ACTN3: variants seen among roughly 807,000 people sequenced by gnomAD.
ACTN3 encodes alpha-actinin-3.
A neutral mutation model predicts 119.6 loss-of-function variants in ACTN3; 91 were observed. The observed-to-expected ratio is 0.76, with a 90% CI of 0.64 to 0.91. ACTN3 has a LOEUF of 0.91. Ranked by LOEUF, ACTN3 falls within the 40% of genes least tolerant of loss-of-function variation. The pLI is 0.00. For synonymous variants in ACTN3, 456 were observed against 478.8 expected (o/e 0.95, Z 0.62); for missense variants, 1,221 against 1,215.1 (o/e 1.00, Z -0.07).
rs558253239 is a variant in ACTN3, at chr11:66,552,729, C to T, written c.382+1082C>T. On this transcript the variant is annotated intron_variant, in intron 3 of 20. Coordinates refer to ENST00000513398, the MANE Select transcript of ACTN3 (RefSeq NM_001104.4). The stretch of plus-strand genomic sequence containing the variant: ...AAAATTTGCTGGGCATGGTGGCGCA[C>T]GCCTGTAATCCCAGCTACTCGTGAG... 3.3e-5 allele frequency among the ~76,000 whole-genome samples: 5 copies of T among 151,894 alleles called. No individual in the cohort carries two copies. The East Asian group carries it at 9.8e-4, about 30-fold the overall frequency.
intron 1 of ACTN3, among the ~76,000 whole-genome samples, chr11:66,548,437 C>T (rs912179822): frequency 6.6e-6 from 1 of 152,156 alleles, no homozygotes; most frequent in Non-Finnish European, 1.5e-5. Context: ...TGTAACTTGC[C>T]TTTGTCACCT....
chr11:66,552,399 A>G (rs1420810585), intron 3 of ACTN3, among the ~76,000 whole-genome samples: 3 of 151,760 alleles, frequency 2.0e-5, no homozygotes, highest in Non-Finnish European at 4.4e-5. Flanking sequence ...AAGCCAATAT[A>G]CCCAAAGTGC....
chr11:66,546,442 G>T (rs979311089), upstream of ACTN3: 8 of 1,221,630 alleles, frequency 6.5e-6, 1 homozygote, highest in Non-Finnish European at 9.0e-6. Flanking sequence ...CGTTCCCCAT[G>T]CCCGGGTGTC....
chr11:66,554,478 G>T, intron 4 of ACTN3, 58 bp from the exon 5 acceptor site: 28 of 1,177,786 alleles, frequency 2.4e-5, no homozygotes, highest in Non-Finnish European at 2.9e-5. Context: ...AAAAAGAAGT[G>T]TGAGAGGGCT....
rs1301928838 is a variant in ACTN3 at position 66,560,271 on chromosome 11, T to C, written c.1637T>C (p.Leu546Pro). 5.0e-6 allele frequency: 8 copies of C among 1,613,222 alleles called. No individual in the cohort carries two copies. Among genetic ancestry groups the C allele is most frequent in the Non-Finnish European group, 6.8e-6 (8 of 1,179,690 alleles). Residue 546 changes from leucine (L) to proline (P), a missense_variant, in exon 14 of 21, where the codon CTG becomes CCG. By Grantham distance (98) the Leu-to-Pro change is moderately conservative. Transcript: ENST00000513398. ...TGGCTGGATGGTGCCGTGGAGGACC[T>C]GCAGGACGTGTGGCTGGTACACTCT... ...NNWLDGAVEDLQDVWLVHSVE... is the reference protein window; with the variant it reads ...NNWLDGAVEDPQDVWLVHSVE...
At chr11:66,551,826 G>A (rs533695222) in intron 3 of ACTN3, 179 bp downstream of exon 3, 84 of 520,726 alleles carry the variant, frequency 1.6e-4, no homozygotes, top group Admixed American at 1.9e-4. Flanking sequence ...CTGTAATCTC[G>A]GCACTTTGGG....
At chr11:66,561,952 G>A in intron 17 of ACTN3, 70 bp from the exon 18 acceptor site, 1 of 1,535,884 alleles carries the variant, frequency 6.5e-7, no homozygotes, top group Non-Finnish European at 8.8e-7. Flanking sequence ...TCAGTGAACT[G>A]GATGTGGAGC....
upstream of ACTN3, chr11:66,546,710 C>A: frequency 6.5e-7 from 1 of 1,535,216 alleles, no homozygotes; most frequent in African/African-American, 1.4e-5. Flanking sequence ...GAATGCAAAC[C>A]CAGGATCTCC....
chr11:66,552,194 A>C (rs1321631651), intron 3 of ACTN3, among the ~76,000 whole-genome samples: 1 of 151,958 alleles, frequency 6.6e-6, no homozygotes, highest in Non-Finnish European at 1.5e-5. Flanking sequence ...CCTGGCCAAC[A>C]TGGTAAAACC....
rs1383209011 is a variant in ACTN3 at position 66,551,025 on chromosome 11, G to A, written c.148-214G>A. ...CAAGTCTGAACTGGGACCTGCATGG[G>A]TCACAGACCCCATTTCTCCCCTCTC... is the stretch of plus-strand genomic sequence containing the variant. On this transcript the variant is annotated intron_variant, in intron 1 of 20. Coordinates refer to ENST00000513398, the MANE Select transcript of ACTN3 (RefSeq NM_001104.4). 8 of 665,332 alleles carry A rather than the reference G, an allele frequency of 1.2e-5. No individual in the cohort carries two copies. The East Asian group carries it at 2.1e-4, about 17-fold the overall frequency. The allele number at this position is 665,332 out of a possible 1,614,324, so 41.2% of individuals were successfully genotyped here. A position where few individuals can be genotyped will look rare whatever the true frequency, so the allele number is the denominator to read the frequency against.
intron 1 of ACTN3, 110 bp downstream of exon 1, chr11:66,547,194 C>G: frequency 2.4e-6 from 3 of 1,275,292 alleles, no homozygotes; most frequent in Non-Finnish European, 2.0e-6. Flanking sequence ...ACCTAGAGTG[C>G]TAATCCCCAG....
rs1857573721 is a variant in ACTN3, at chr11:66,555,497, C to T, written c.718+130C>T. 3.4e-6 allele frequency: 3 copies of T among 879,904 alleles called. No homozygotes were observed. The South Asian group carries it at 4.7e-5, about 14-fold the overall frequency. 54.5% of individuals were successfully genotyped at this position (879,904 alleles called of 1,614,324 possible). Reference sequence around the variant, plus strand: ...CCACCCCCACCCCACTCCCTGGTCACAGTCCCCCTTCTCCAGGAGTCCTCT... The same window carrying T: ...CCACCCCCACCCCACTCCCTGGTCATAGTCCCCCTTCTCCAGGAGTCCTCT... On this transcript the variant is annotated intron_variant, in intron 7 of 20. Coordinates refer to ENST00000513398, the MANE Select transcript of ACTN3 (RefSeq NM_001104.4).
At position 66,559,352 on chromosome 11, in the gene ACTN3, G is replaced by C; in HGVS notation, c.1393G>C (p.Val465Leu). The C allele has an allele frequency of 2.6e-6, 4 of 1,566,600 alleles. No individual in the cohort carries two copies. Among genetic ancestry groups the C allele is most frequent in the Non-Finnish European group, 3.4e-6 (4 of 1,160,378 alleles). The part of the protein sequence containing the change: ...ESDLAAHQDR[V>L]EHIAALAQEL... ...CGACCTGGCGGCGCACCAGGACCGC[G>C]TGGAGCACATTGCCGCGCTGGCCCA... Residue 465 changes from valine (V) to leucine (L), a missense_variant, in exon 12 of 21, where the codon GTG becomes CTG. Coordinates refer to ENST00000513398, the MANE Select transcript of ACTN3 (RefSeq NM_001104.4).
rs778911084 is a variant in ACTN3 at position 66,551,230 on chromosome 11, T to C, written c.148-9T>C. 4.4e-6 allele frequency: 7 copies of C among 1,598,312 alleles called. No homozygotes were observed. The highest frequency in any genetic ancestry group is 5.1e-6 in the Non-Finnish European group (6 of 1,171,026). ...GTCGTAGGGTTTGAGTGCTGTCCTC[T>C]GCCCCTAGACCTTCACTGCCTGGTG... On this transcript the variant is annotated splice_polypyrimidine_tract_variant and intron_variant, in intron 1 of 20. Coordinates refer to ENST00000513398, the MANE Select transcript of ACTN3 (RefSeq NM_001104.4).
chr11:66,553,071 AC>A (rs1857512386), intron 3 of ACTN3, among the ~76,000 whole-genome samples: 2 of 151,802 alleles, frequency 1.3e-5, no homozygotes, highest in Admixed American at 1.3e-4. Context: ...CCTGGCCAAT[AC>A]AGTGAAATCC....
chr11:66,551,596 C>T lies in ACTN3; in HGVS notation c.331C>T (p.Leu111=), dbSNP rs2134919974. The change falls in exon 3 of 21, where the codon CTG becomes TTG. Residue 111 remains leucine (L), a synonymous_variant. Transcript: ENST00000513398. ...CAAAATCGCCAACGTTAACAAGGCC[C>T]TGGACTTCATTGCCAGCAAGGGGGT... is the stretch of plus-strand genomic sequence containing the variant. ...FHKIANVNKA[L]DFIASKGVKL... is the part of the protein sequence containing the mutation. 1.2e-6 allele frequency: 2 copies of T among 1,614,094 alleles called. No homozygotes were observed. Among genetic ancestry groups the T allele is most frequent in the Non-Finnish European group, 8.5e-7 (1 of 1,180,052 alleles).
At chr11:66,560,136 G>GT in intron 13 of ACTN3, 35 bp from the exon 14 acceptor site, 1 of 1,564,678 alleles carries the variant, frequency 6.4e-7, no homozygotes, top group Non-Finnish European at 8.7e-7. Context: ...GGTCTGCAGG[G>GT]CAGGCTTCTG....
chr11:66,557,968 C>T (rs560536871), intron 10 of ACTN3, 39 bp downstream of exon 10: 5 of 1,613,072 alleles, frequency 3.1e-6, no homozygotes, highest in East Asian at 4.5e-5. Context: ...CCTTGAGGTC[C>T]GTATCCCATC....
At chr11:66,559,012 C>T (rs1452697580) in intron 11 of ACTN3, 2 of 408,742 alleles carry the variant, frequency 4.9e-6, no homozygotes, top group Non-Finnish European at 8.5e-6. Flanking sequence ...CAAGGGCCCC[C>T]TGGACGTAGC....
Sources: gnomAD v4.1 joint callset for allele counts (sites outside exome capture counted in the v4.1 genomes callset) on GRCh38, gnomAD v4.1.1 for gene constraint, MANE v1.5 for transcripts, NCBI Gene and HGNC (gene_info 2026-07-23, HGNC 2026-07-21) for gene names.